PINX1: variants seen among roughly 807,000 people sequenced by gnomAD.
PINX1 encodes PIN2 (TERF1) interacting telomerase inhibitor 1, also known as PIN2/TERF1-interacting telomerase inhibitor 1.
Under a neutral mutation model 25.4 loss-of-function variants are expected in PINX1, and 34 were observed. The observed-to-expected ratio is 1.34, with a 90% confidence interval of 1.02 to 1.78. The LOEUF (loss-of-function observed/expected upper bound fraction) is 1.78. PINX1 is among the 40% of genes most tolerant of loss of function. The probability of loss-of-function intolerance (pLI) is 0.00; values close to 1 mark genes in which losing one functional copy is unlikely to be tolerated. For missense variants in PINX1, 592 were observed against 404.9 expected (o/e 1.46, Z -3.97); for synonymous variants, 197 against 147.7 (o/e 1.33, Z -2.42).
chr8:10,785,113 T>C (rs1176811260), intron 6 of PINX1, among the ~76,000 whole-genome samples: 17 of 152,352 alleles, frequency 1.1e-4, no homozygotes, highest in Non-Finnish European at 1.5e-5. Flanking sequence ...CGTTTTAAGC[T>C]AGTTCAAGAT....
At chr8:10,826,662 C>T (rs951440172) in intron 4 of PINX1, among the ~76,000 whole-genome samples, 6 of 152,182 alleles carry the variant, frequency 3.9e-5, no homozygotes, top group African/African-American at 1.4e-4. Flanking sequence ...AGTGGAATAC[C>T]ACTCCACAGT....
intron 5 of PINX1, among the ~76,000 whole-genome samples, chr8:10,823,027 A>T (rs1405690140): frequency 6.6e-6 from 1 of 152,206 alleles, no homozygotes; most frequent in Non-Finnish European, 1.5e-5. Flanking sequence ...TAACTCCACT[A>T]AAAGACACCA....
chr8:10,802,396 A>C (rs1282633845), intron 6 of PINX1, among the ~76,000 whole-genome samples: 2 of 152,218 alleles, frequency 1.3e-5, no homozygotes, highest in Non-Finnish European at 2.9e-5. Flanking sequence ...GTTGACGTGT[A>C]TGAAGACAAC....
rs1377594487 is a variant in PINX1, at chr8:10,808,098, A to T, written c.471+12095T>A. 2.0e-5 allele frequency among the ~76,000 whole-genome samples: 3 copies of T among 152,356 alleles called. No homozygotes were observed. In the East Asian group the frequency reaches 5.8e-4, roughly 29 times the overall value. ...GTTACAGGAAATGTTATTATTGTAC[A>T]CTATTTGGCTTAGCAGGGTACGATA... On this transcript the variant is annotated intron_variant, in intron 6 of 6. Transcript: ENST00000314787.
intron 6 of PINX1, among the ~76,000 whole-genome samples, chr8:10,796,757 A>C (rs2129078473): frequency 6.6e-6 from 1 of 152,238 alleles, no homozygotes; most frequent in East Asian, 1.9e-4. Context: ...GGTTCCAGTC[A>C]AAAAAGTAAC....
At position 10,828,829 on chromosome 8, in the gene PINX1, G is replaced by A. The variant is rs867288595; in HGVS notation, c.302-2585C>T. Among the ~76,000 whole-genome samples, 8 of 152,184 alleles carry A rather than the reference G, an allele frequency of 5.3e-5. No homozygotes were observed. In the Middle Eastern group the frequency reaches 0.01, roughly 194 times the overall value. On this transcript the variant is annotated intron_variant, in intron 4 of 6. Transcript: ENST00000314787. ...CTTTCCTCTTACCGGGATCAATGAG[G>A]GACAAGGGAAAATACTGTTGTCAAA...
intron 6 of PINX1, among the ~76,000 whole-genome samples, chr8:10,811,052 G>C (rs1797505681): frequency 6.6e-6 from 1 of 152,246 alleles, no homozygotes; most frequent in African/African-American, 2.4e-5. Flanking sequence ...GACGACAGTG[G>C]TCTCAACAGC....
At chr8:10,801,324 A>T (rs1802258225) in intron 6 of PINX1, among the ~76,000 whole-genome samples, 1 of 152,232 alleles carries the variant, frequency 6.6e-6, no homozygotes, top group Non-Finnish European at 1.5e-5. Flanking sequence ...ATCTGCTTAG[A>T]CTTACTTCCT....
At chr8:10,791,060 G>A (rs138503271) in intron 6 of PINX1, among the ~76,000 whole-genome samples, 1,835 of 152,096 alleles carry the variant, frequency 0.012, 27 homozygotes, top group African/African-American at 0.038. Context: ...TTACAAGTGC[G>A]CACCACCACA....
chr8:10,819,024 G>C (rs1382627363), intron 6 of PINX1, among the ~76,000 whole-genome samples: 1 of 152,206 alleles, frequency 6.6e-6, no homozygotes, highest in African/African-American at 2.4e-5. Context: ...GGAGCAGCCG[G>C]CACGGCCGGA....
intron 4 of PINX1, 43 bp downstream of exon 4, chr8:10,831,622 A>G (rs1798229042): frequency 8.3e-7 from 1 of 1,210,370 alleles, no homozygotes; most frequent in Non-Finnish European, 1.2e-6. Flanking sequence ...AAAAGTAGAT[A>G]AACATATTTG....
At chr8:10,819,116 T>C (rs1335382401) in intron 6 of PINX1, among the ~76,000 whole-genome samples, 1 of 152,206 alleles carries the variant, frequency 6.6e-6, no homozygotes, top group Non-Finnish European at 1.5e-5. Context: ...CCAGGTATCC[T>C]TTCCCAGCCT....
chr8:10,781,610 G>T (rs1202888333), intron 6 of PINX1, among the ~76,000 whole-genome samples: 1 of 152,088 alleles, frequency 6.6e-6, no homozygotes, highest in Non-Finnish European at 1.5e-5. Flanking sequence ...AACCATCAAG[G>T]AAATGTAAAT....
intron 1 of PINX1, among the ~76,000 whole-genome samples, chr8:10,837,816 A>C (rs1209679977): frequency 3.3e-5 from 5 of 152,220 alleles, no homozygotes; most frequent in Admixed American, 6.5e-5. Flanking sequence ...CAATCTCTCA[A>C]AATTCAGAGG....
At chr8:10,796,355 A>G (rs1293499801) in intron 6 of PINX1, among the ~76,000 whole-genome samples, 1 of 152,118 alleles carries the variant, frequency 6.6e-6, no homozygotes, top group African/African-American at 2.4e-5. Context: ...TTTAATTTCA[A>G]CCAGAGTAGA....
At chr8:10,794,265 A>T (rs1586160523) in intron 6 of PINX1, among the ~76,000 whole-genome samples, 2 of 152,232 alleles carry the variant, frequency 1.3e-5, no homozygotes, top group Non-Finnish European at 2.9e-5. Context: ...TTTAAAAATA[A>T]AATTTTAAAT....
chr8:10,821,142 T>C (rs1328933317), intron 5 of PINX1, among the ~76,000 whole-genome samples: 3 of 152,232 alleles, frequency 2.0e-5, no homozygotes, highest in Non-Finnish European at 4.4e-5. Context: ...AGGGAGGTTC[T>C]GGGTCAGACA....
In PINX1 at chr8:10,765,689, CTT is replaced by C. The variant is rs755481684; in HGVS notation, c.697_698del (p.Lys233GlufsTer52). On this transcript the variant is annotated frameshift_variant, in exon 7 of 7. Coordinates refer to ENST00000314787, the MANE Select transcript of PINX1 (RefSeq NM_017884.6). LOFTEE classifies it low-confidence loss of function (END_TRUNC). Reference sequence around the variant, plus strand: ...TCTCGGGCTTTCCCTCCGTGTGCCTCTTGGCCTTAGGCTGGAGGTAACTTTCC... The same window carrying C: ...TCTCGGGCTTTCCCTCCGTGTGCCTCGGCCTTAGGCTGGAGGTAACTTTCC... ...DVESYLQPKA[K>X]RHTEGKPERA... is the part of the protein sequence containing the mutation. The C allele has an allele frequency of 6.2e-7, 1 of 1,614,058 alleles. No homozygotes were observed.
At chr8:10,807,316 A>AAC (rs1458043821) in intron 6 of PINX1, among the ~76,000 whole-genome samples, 5 of 53,968 alleles carry the variant, frequency 9.3e-5, no homozygotes, top group Non-Finnish European at 1.2e-4. Context: ...AATCAAGAAA[A>AAC]TCCCCCCCCC....
Sources: gnomAD v4.1 joint callset for allele counts (sites outside exome capture counted in the v4.1 genomes callset) on GRCh38, gnomAD v4.1.1 for gene constraint, MANE v1.5 for transcripts, NCBI Gene and HGNC (gene_info 2026-07-23, HGNC 2026-07-21) for gene names.